Variants in CR1L observed in about 807,000 individuals in gnomAD.
CR1L encodes the protein complement C3b/C4b receptor 1 like, also known as complement component receptor 1-like protein.
CR1L carries 59 observed loss-of-function variants against 62.3 expected under a neutral mutation model. The ratio of observed to expected loss-of-function variants is 0.95; its 90% CI spans 0.77 to 1.18. CR1L has a LOEUF of 1.18. Among genes scored for constraint, CR1L ranks in the 50% most tolerant of loss-of-function variants. The pLI, the probability that CR1L is intolerant of heterozygous loss-of-function variation, is 0.00. For synonymous variants in CR1L, 279 were observed against 248.7 expected (o/e 1.12, Z -1.15); for missense variants, 700 against 702.8 (o/e 1.00, Z 0.04).
At chr1:207,652,399 C>A in intron 1 of CR1L, 1 of 605,714 alleles carries the variant, frequency 1.7e-6, no homozygotes, top group South Asian at 1.9e-5. Flanking sequence ...CTACTACCAG[C>A]ACTCAGGTAA....
Position 207,645,204 on chromosome 1 carries a change from G to T in CR1L, c.-30G>T. ...GCTTTCGGTTTCTCTGCTCACCTCCGGATAAATCACGGGGTCTCCCGCGCC... is the reference window on the plus strand; with the variant it reads ...GCTTTCGGTTTCTCTGCTCACCTCCTGATAAATCACGGGGTCTCCCGCGCC... On this transcript the variant is annotated 5_prime_UTR_variant, in exon 1 of 12. Coordinates refer to ENST00000508064, the MANE Select transcript of CR1L (RefSeq NM_175710.2). The T allele has an allele frequency of 1.2e-6, 2 of 1,609,806 alleles. No individual in the cohort carries two copies. The highest frequency in any genetic ancestry group is 1.7e-6 in the Non-Finnish European group (2 of 1,178,312).
At chr1:207,720,384 A>G (rs1012663885) in intron 11 of CR1L, among the ~76,000 whole-genome samples, 3 of 152,218 alleles carry the variant, frequency 2.0e-5, no homozygotes, top group African/African-American at 7.2e-5. Context: ...TAGATTGCTT[A>G]AGATACCAGT....
chr1:207,652,773 C>A lies in CR1L; in HGVS notation c.97+7443C>A, dbSNP rs947699327. On this transcript the variant is annotated intron_variant, in intron 1 of 11. Transcript: ENST00000508064. ...GCCTTTTTTTTTTGTTTTCTGCTTG[C>A]TCTAGAGATTTGCACACATTTTAGG... is the stretch of plus-strand genomic sequence containing the variant. The A allele has an allele frequency of 4.0e-4, 282 of 713,068 alleles. 1 individual carries two copies. Among genetic ancestry groups the A allele is most frequent in the Middle Eastern group, 9.7e-4 (4 of 4,122 alleles). The allele number at this position is 713,068 out of a possible 1,614,324, so 44.2% of individuals were successfully genotyped here.
chr1:207,654,796 G>A (rs1400271693), intron 1 of CR1L, among the ~76,000 whole-genome samples: 1 of 152,168 alleles, frequency 6.6e-6, no homozygotes, highest in Non-Finnish European at 1.5e-5. Flanking sequence ...CAAGAAACTA[G>A]TAAGTTGGGA....
At chr1:207,699,312 C>T (rs12748243) in intron 8 of CR1L, 38 bp downstream of exon 8, 386,309 of 1,607,186 alleles carry the variant, frequency 0.24, 50,894 homozygotes, top group Non-Finnish European at 0.28. Flanking sequence ...CAATCTCTCC[C>T]CTTCATCTGT....
intron 1 of CR1L, among the ~76,000 whole-genome samples, chr1:207,664,395 A>G (rs11585607): frequency 0.038 from 5,820 of 152,280 alleles, 178 homozygotes; most frequent in South Asian, 0.12. Context: ...GGAATTATGC[A>G]CGTTAACATA....
chr1:207,650,766 C>G (rs1373879212), intron 1 of CR1L, among the ~76,000 whole-genome samples: 6 of 150,608 alleles, frequency 4.0e-5, no homozygotes, highest in Non-Finnish European at 5.9e-5. Context: ...AGAAGTTGAA[C>G]AGTTCAGTGG....
At chr1:207,713,847 C>G (rs1246072483) in intron 10 of CR1L, among the ~76,000 whole-genome samples, 2 of 152,230 alleles carry the variant, frequency 1.3e-5, no homozygotes. Flanking sequence ...GTTAACAACT[C>G]TGTCAGTTCC....
rs551878452 is a variant in CR1L at position 207,669,424 on chromosome 1, T to G, written c.98-7965T>G. On this transcript the variant is annotated intron_variant, in intron 1 of 11. Coordinates refer to ENST00000508064, the MANE Select transcript of CR1L (RefSeq NM_175710.2). ...AGTTTTCTTCGAGATCAAATCTGGTTTGTAGATGTGCTTCGGGAGGATGGG... is the reference window on the plus strand; with the variant it reads ...AGTTTTCTTCGAGATCAAATCTGGTGTGTAGATGTGCTTCGGGAGGATGGG... 7 of 1,251,698 alleles carry G rather than the reference T, an allele frequency of 5.6e-6. No individual in the cohort carries two copies. The East Asian group carries it at 1.2e-4, about 21-fold the overall frequency. 77.5% of individuals were successfully genotyped at this position (1,251,698 alleles called of 1,614,324 possible). A position where few individuals can be genotyped will look rare whatever the true frequency, so the allele number is the denominator to read the frequency against.
chr1:207,699,266 T>C lies in CR1L; in HGVS notation c.1220T>C (p.Val407Ala). 3 of 1,613,714 alleles carry C rather than the reference T, an allele frequency of 1.9e-6. No individual in the cohort carries two copies. The highest frequency in any genetic ancestry group is 1.7e-4 in the Middle Eastern group (1 of 6,058). Reference protein sequence around the residue: ...MESLWNSSVPVCERKSCETPP... With the variant: ...MESLWNSSVPACERKSCETPP... ...AGCCTTTGGAATAGCAGTGTTCCAG[T>C]GTGTGAACGTAAGTAATAGGAGTAA... The change falls in exon 8 of 12, where the codon GTG becomes GCG. Residue 407 changes from valine to alanine, a missense_variant. Coordinates refer to ENST00000508064, the MANE Select transcript of CR1L (RefSeq NM_175710.2).
At chr1:207,691,118 A>T (rs76287248) in intron 4 of CR1L, among the ~76,000 whole-genome samples, 5,849 of 152,264 alleles carry the variant, frequency 0.038, 181 homozygotes, top group South Asian at 0.12. Flanking sequence ...TGTTCTAGCA[A>T]TCTTTAAGCA....
chr1:207,680,771 G>T (rs150618178), intron 3 of CR1L, among the ~76,000 whole-genome samples: 1 of 152,124 alleles, frequency 6.6e-6, no homozygotes, highest in Non-Finnish European at 1.5e-5. Flanking sequence ...ACCAAATGGC[G>T]CCAGAGATAA....
chr1:207,704,766 C>A (rs1294651516), intron 9 of CR1L, among the ~76,000 whole-genome samples: 1 of 152,110 alleles, frequency 6.6e-6, no homozygotes, highest in East Asian at 1.9e-4. Flanking sequence ...TCACATAATT[C>A]TATTTCACAC....
At chr1:207,674,214 G>A (rs1418870288) in intron 1 of CR1L, among the ~76,000 whole-genome samples, 1 of 152,194 alleles carries the variant, frequency 6.6e-6, no homozygotes, top group Non-Finnish European at 1.5e-5. Context: ...CATTACAGAA[G>A]GACATGAGGG....
intron 1 of CR1L, chr1:207,652,730 G>A: frequency 1.2e-6 from 1 of 813,806 alleles, no homozygotes; most frequent in South Asian, 1.4e-5. Context: ...GATGAGCCCT[G>A]TTATAGTAAA....
chr1:207,671,401 G>T (rs940347329), intron 1 of CR1L, among the ~76,000 whole-genome samples: 2 of 150,802 alleles, frequency 1.3e-5, no homozygotes, highest in Admixed American at 6.6e-5. Flanking sequence ...GCATAGGACA[G>T]TTTATGGGAA....
At chr1:207,646,508 C>G (rs1223657461) in intron 1 of CR1L, among the ~76,000 whole-genome samples, 1 of 151,944 alleles carries the variant, frequency 6.6e-6, no homozygotes, top group African/African-American at 2.4e-5. Flanking sequence ...CCCAGGAGTT[C>G]AAGATCAGCC....
intron 2 of CR1L, 28 bp downstream of exon 2, chr1:207,677,596 C>G: frequency 1.2e-6 from 2 of 1,601,596 alleles, no homozygotes; most frequent in East Asian, 2.2e-5. Flanking sequence ...GGGAACCCCT[C>G]TGTTAGTCAA....
chr1:207,701,444 T>C (rs183099818), intron 8 of CR1L, 75 bp from the exon 9 acceptor site: 1 of 1,570,330 alleles, frequency 6.4e-7, no homozygotes, highest in Non-Finnish European at 8.8e-7. Flanking sequence ...GGAAGCTACA[T>C]GCAGGTTGAG....
Sources: gnomAD v4.1 joint callset for allele counts (sites outside exome capture counted in the v4.1 genomes callset) on GRCh38, gnomAD v4.1.1 for gene constraint, MANE v1.5 for transcripts, NCBI Gene and HGNC (gene_info 2026-07-23, HGNC 2026-07-21) for gene names.